The following LRMDA variants were observed in gnomAD, a reference collection of about 807,000 sequenced individuals.
The protein encoded by LRMDA is leucine-rich melanocyte differentiation-associated protein.
A neutral mutation model predicts 29.8 loss-of-function variants in LRMDA; 18 were observed. That is an observed-to-expected ratio of 0.60 (90% CI 0.42 to 0.90). The LOEUF is 0.90. Among genes scored for constraint, LRMDA ranks in the 40% least tolerant of loss-of-function variants. The pLI is 0.00. For synonymous variants in LRMDA, 125 were observed against 109.4 expected (o/e 1.14, Z -0.89); for missense variants, 273 against 273.9 (o/e 1.00, Z 0.02).
chr10:75,964,130 C>A (rs1022041431), intron 2 of LRMDA, among the ~76,000 whole-genome samples: 1 of 152,054 alleles, frequency 6.6e-6, no homozygotes, highest in East Asian at 1.9e-4. Context: ...AGGGAAATAG[C>A]ACAGAGAAGG....
rs535307109 is a variant in LRMDA at position 76,159,894 on chromosome 10, G to T, written c.516+101111G>T. 1.7e-3 allele frequency among the ~76,000 whole-genome samples: 251 copies of T among 152,118 alleles called. 1 individual carries two copies. Among genetic ancestry groups the T allele is most frequent in the Non-Finnish European group, 1.9e-3 (132 of 68,010 alleles). On this transcript the variant is annotated intron_variant, in intron 5 of 6. Transcript: ENST00000611255. Reference sequence around the variant, plus strand: ...TTATGGGGGAGGAAAGGATGAATAGGCAGAGAACAGAGGATTTGGGGGGCA... The same window carrying T: ...TTATGGGGGAGGAAAGGATGAATAGTCAGAGAACAGAGGATTTGGGGGGCA...
At chr10:76,551,071 G>A (rs1257629493) in intron 6 of LRMDA, among the ~76,000 whole-genome samples, 1 of 152,162 alleles carries the variant, frequency 6.6e-6, no homozygotes, top group Non-Finnish European at 1.5e-5. Context: ...AACAAAGACT[G>A]AGGAATGTGC....
At chr10:75,608,110 G>A (rs9664584) in intron 2 of LRMDA, among the ~76,000 whole-genome samples, 29,886 of 93,304 alleles carry the variant, frequency 0.32, 6,684 homozygotes, top group Non-Finnish European at 0.48. Context: ...TGTAGTGTGT[G>A]TATATATATA....
At chr10:76,367,308 G>T (rs1388528877) in intron 6 of LRMDA, among the ~76,000 whole-genome samples, 1 of 152,096 alleles carries the variant, frequency 6.6e-6, no homozygotes, top group East Asian at 1.9e-4. Flanking sequence ...CTATCTTGTG[G>T]AATAGTGTCA....
intron 2 of LRMDA, among the ~76,000 whole-genome samples, chr10:75,891,153 G>GT (rs922108631): frequency 2.1e-4 from 31 of 150,450 alleles, no homozygotes; most frequent in African/African-American, 7.1e-4. Flanking sequence ...GCCATATTGT[G>GT]TTGTGTAGCG....
intron 2 of LRMDA, among the ~76,000 whole-genome samples, chr10:75,548,545 G>T (rs924214581): frequency 6.6e-6 from 1 of 152,028 alleles, no homozygotes; most frequent in Admixed American, 6.6e-5. Context: ...ACAATGAGGG[G>T]TAGTTCCTAT....
chr10:76,413,128 T>A (rs1841980330), intron 6 of LRMDA, among the ~76,000 whole-genome samples: 1 of 152,156 alleles, frequency 6.6e-6, no homozygotes, highest in African/African-American at 2.4e-5. Context: ...TCTTCTCACA[T>A]CCCTTAATTG....
At position 76,501,111 on chromosome 10, in the gene LRMDA, A is replaced by G. The variant is rs1420852011; in HGVS notation, c.602-56098A>G. ...TGTACTCAGTTCTTAGCTCCCACTTATAAGTGAAAGCATGTGGTATTTGGT... is the reference window on the plus strand; with the variant it reads ...TGTACTCAGTTCTTAGCTCCCACTTGTAAGTGAAAGCATGTGGTATTTGGT... On this transcript the variant is annotated intron_variant, in intron 6 of 6. Coordinates refer to ENST00000611255, the MANE Select transcript of LRMDA (RefSeq NM_001305581.2). Among the ~76,000 whole-genome samples the G allele has an allele frequency of 4.0e-5, 3 of 74,974 alleles. 1 individual carries two copies. The allele number at this position is 74,974 out of a possible 152,430, so 49.2% of individuals were successfully genotyped here. A position where few individuals can be genotyped will look rare whatever the true frequency, so the allele number is the denominator to read the frequency against.
chr10:75,707,636 A>T (rs1282177742), intron 2 of LRMDA, among the ~76,000 whole-genome samples: 1 of 152,056 alleles, frequency 6.6e-6, no homozygotes, highest in African/African-American at 2.4e-5. Context: ...GCTGCGAGAG[A>T]GCTGGAATTC....
chr10:75,758,518 C>T (rs949937008), intron 2 of LRMDA, among the ~76,000 whole-genome samples: 1 of 152,204 alleles, frequency 6.6e-6, no homozygotes, highest in Admixed American at 6.5e-5. Flanking sequence ...TTTCTACAGT[C>T]CGTCTTGCGT....
chr10:76,060,343 C>T (rs1277894399), intron 5 of LRMDA, among the ~76,000 whole-genome samples: 2 of 152,172 alleles, frequency 1.3e-5, no homozygotes, highest in African/African-American at 4.8e-5. Context: ...ATGTAGTACC[C>T]ACCATATCTG....
chr10:76,454,848 C>T (rs932953498), intron 6 of LRMDA, among the ~76,000 whole-genome samples: 9 of 152,252 alleles, frequency 5.9e-5, no homozygotes, highest in African/African-American at 2.2e-4. Flanking sequence ...GAGAGAAGGA[C>T]AATTTGGGTG....
At chr10:76,008,905 G>A (rs1847722949) in intron 2 of LRMDA, among the ~76,000 whole-genome samples, 1 of 152,242 alleles carries the variant, frequency 6.6e-6, no homozygotes, top group East Asian at 1.9e-4. Flanking sequence ...AAGAGATTTA[G>A]TAATGATTTA....
chr10:76,468,289 A>C (rs1842583957), intron 6 of LRMDA, among the ~76,000 whole-genome samples: 1 of 152,220 alleles, frequency 6.6e-6, no homozygotes, highest in South Asian at 2.1e-4. Context: ...ACTTCAGTCA[A>C]AATTTATTTC....
chr10:76,055,876 C>G (rs1244072961), intron 4 of LRMDA, among the ~76,000 whole-genome samples: 1 of 152,196 alleles, frequency 6.6e-6, no homozygotes, highest in Non-Finnish European at 1.5e-5. Context: ...GCTTGGGGAG[C>G]TGTTAGGTCT....
chr10:76,515,704 C>T (rs1843053864), intron 6 of LRMDA, among the ~76,000 whole-genome samples: 1 of 152,094 alleles, frequency 6.6e-6, no homozygotes, highest in Non-Finnish European at 1.5e-5. Flanking sequence ...CATAGTTTTT[C>T]CTGTTGCCCA....
chr10:76,200,192 G>A (rs554904393), intron 5 of LRMDA, among the ~76,000 whole-genome samples: 10 of 152,192 alleles, frequency 6.6e-5, no homozygotes, highest in Admixed American at 4.6e-4. Flanking sequence ...TTGAACTCCT[G>A]AACTGAAGCA....
chr10:76,509,101 G>A (rs2637245), intron 6 of LRMDA, among the ~76,000 whole-genome samples: 101,042 of 152,020 alleles, frequency 0.66, 35,681 homozygotes, highest in Non-Finnish European at 0.81. Context: ...TCAAATATAC[G>A]TTGAATTTGA....
intron 6 of LRMDA, among the ~76,000 whole-genome samples, chr10:76,428,162 G>C (rs1842149932): frequency 6.6e-6 from 1 of 152,090 alleles, no homozygotes; most frequent in Admixed American, 6.6e-5. Flanking sequence ...CATGCTACAA[G>C]ACTAAATCAG....
Sources: allele counts gnomAD v4.1 joint callset (sites outside exome capture counted in the v4.1 genomes callset), GRCh38; gene constraint gnomAD v4.1.1; transcripts MANE v1.5; gene names NCBI Gene and HGNC (gene_info 2026-07-23, HGNC 2026-07-21).